LRRTM4: variants seen among roughly 807,000 people sequenced by gnomAD.
LRRTM4 encodes leucine-rich repeat transmembrane neuronal protein 4.
A neutral mutation model predicts 47.6 loss-of-function variants in LRRTM4; 25 were observed. The observed-to-expected ratio is 0.53, with a 90% CI of 0.38 to 0.73. The LOEUF (loss-of-function observed/expected upper bound fraction) is 0.73. Among genes scored for constraint, LRRTM4 ranks in the 30% least tolerant of loss-of-function variants. The pLI, the probability that LRRTM4 is intolerant of heterozygous loss-of-function variation, is 0.00. For missense variants in LRRTM4, 638 were observed against 713.4 expected, an observed-to-expected ratio of 0.89 and a Z score of 1.20; for synonymous variants, 311 against 269.5, an observed-to-expected ratio of 1.15 and a Z score of -1.51.
intron 3 of LRRTM4, among the ~76,000 whole-genome samples, chr2:76,864,247 C>A (rs1265908377): frequency 6.6e-6 from 1 of 152,184 alleles, no homozygotes; most frequent in Non-Finnish European, 1.5e-5. Flanking sequence ...GAGCAATTTC[C>A]TCCCAATATG....
At chr2:77,401,549 G>A (rs1673955888) in intron 3 of LRRTM4, among the ~76,000 whole-genome samples, 1 of 151,540 alleles carries the variant, frequency 6.6e-6, no homozygotes, top group Non-Finnish European at 1.5e-5. Context: ...TGAATTCCTA[G>A]CACATAGAAC....
chr2:76,873,470 GTGTA>G (rs1672687020), intron 3 of LRRTM4, among the ~76,000 whole-genome samples: 3 of 138,778 alleles, frequency 2.2e-5, no homozygotes, highest in African/African-American at 8.7e-5. Flanking sequence ...ACGTGTGTGT[GTGTA>G]TATATATATG....
chr2:77,425,448 G>T (rs1339530035), intron 3 of LRRTM4, among the ~76,000 whole-genome samples: 1 of 152,028 alleles, frequency 6.6e-6, no homozygotes, highest in African/African-American at 2.4e-5. Flanking sequence ...ATTTACCTTG[G>T]TTTCCTGGTT....
chr2:76,831,020 T>A (rs1671335690), intron 3 of LRRTM4, among the ~76,000 whole-genome samples: 1 of 152,136 alleles, frequency 6.6e-6, no homozygotes, highest in Admixed American at 6.6e-5. Context: ...AATTACTTAC[T>A]CTTAAGAATA....
chr2:77,373,394 T>A (rs1672722590), intron 3 of LRRTM4, among the ~76,000 whole-genome samples: 2 of 151,582 alleles, frequency 1.3e-5, no homozygotes, highest in African/African-American at 4.8e-5. Flanking sequence ...TAAATTGCCG[T>A]TTGCCTCCAG....
intron 3 of LRRTM4, among the ~76,000 whole-genome samples, chr2:76,920,203 T>C (rs773648673): frequency 2.6e-5 from 4 of 152,142 alleles, no homozygotes; most frequent in African/African-American, 4.8e-5. Flanking sequence ...AGTTAATTTG[T>C]AGCCATTCCA....
intron 3 of LRRTM4, among the ~76,000 whole-genome samples, chr2:77,223,545 A>G (rs975231021): frequency 6.6e-6 from 1 of 152,210 alleles, no homozygotes; most frequent in East Asian, 1.9e-4. Context: ...AAAAATCACA[A>G]GCATTCTTAT....
At chr2:77,246,579 A>G (rs1252651263) in intron 3 of LRRTM4, among the ~76,000 whole-genome samples, 1 of 152,162 alleles carries the variant, frequency 6.6e-6, no homozygotes, top group Non-Finnish European at 1.5e-5. Context: ...CTGCACAGAT[A>G]CAGAACATTT....
intron 3 of LRRTM4, among the ~76,000 whole-genome samples, chr2:77,084,662 T>C (rs1373563994): frequency 6.6e-6 from 1 of 152,316 alleles, no homozygotes; most frequent in East Asian, 1.9e-4. Context: ...AGATGTGTTA[T>C]ATTTTCAAGT....
chr2:76,865,323 T>C (rs1237515167), intron 3 of LRRTM4, among the ~76,000 whole-genome samples: 2 of 152,144 alleles, frequency 1.3e-5, no homozygotes, highest in African/African-American at 4.8e-5. Context: ...TCAGAAGTCA[T>C]GTTTGGATGC....
rs781733771 is a variant in LRRTM4 at position 77,344,306 on chromosome 2, C to G, written c.1551+174012G>C. ...TGACAAAGACTATAAACAGCCATTA[C>G]AATGATGCTTTAGGAAGAAGGGTAA... On this transcript the variant is annotated intron_variant, in intron 3 of 3. Transcript: ENST00000409884. Among the ~76,000 whole-genome samples, 3 of 151,668 alleles carry G rather than the reference C, an allele frequency of 2.0e-5. No individual in the cohort carries two copies. The Admixed American group carries it at 2.0e-4, about 10-fold the overall frequency.
chr2:77,504,512 T>C (rs912452568), intron 3 of LRRTM4, among the ~76,000 whole-genome samples: 1 of 151,640 alleles, frequency 6.6e-6, no homozygotes, highest in East Asian at 1.9e-4. Flanking sequence ...AAGTAGAACA[T>C]TGATGTAATT....
chr2:76,945,110 T>C (rs566542640), intron 3 of LRRTM4, among the ~76,000 whole-genome samples: 2 of 152,144 alleles, frequency 1.3e-5, no homozygotes, highest in Non-Finnish European at 2.9e-5. Context: ...AAAGTAAAAA[T>C]CAGCATATTA....
intron 3 of LRRTM4, among the ~76,000 whole-genome samples, chr2:77,155,408 T>C (rs1048908740): frequency 6.6e-6 from 1 of 151,910 alleles, no homozygotes; most frequent in African/African-American, 2.4e-5. Context: ...ATGTATTTCC[T>C]AATCCAGTCT....
intron 3 of LRRTM4, among the ~76,000 whole-genome samples, chr2:76,955,824 T>C (rs1675655683): frequency 1.3e-5 from 2 of 151,758 alleles, no homozygotes; most frequent in Admixed American, 1.3e-4. Context: ...AGTACCTTGA[T>C]TTTAGACTTC....
At chr2:77,038,569 T>C (rs1189302618) in intron 3 of LRRTM4, among the ~76,000 whole-genome samples, 3 of 151,526 alleles carry the variant, frequency 2.0e-5, no homozygotes, top group African/African-American at 7.3e-5. Context: ...GTTGAATTTA[T>C]TCTATTAGTT....
At chr2:77,321,555 G>GGT (rs1553428213) in intron 3 of LRRTM4, among the ~76,000 whole-genome samples, 1 of 87,542 alleles carries the variant, frequency 1.1e-5, no homozygotes, top group African/African-American at 6.6e-5. Flanking sequence ...ATCGGGGAGG[G>GGT]GGGGGGGTGT....
At chr2:76,863,013 G>A (rs1672363882) in intron 3 of LRRTM4, among the ~76,000 whole-genome samples, 2 of 152,158 alleles carry the variant, frequency 1.3e-5, no homozygotes, top group Non-Finnish European at 2.9e-5. Flanking sequence ...AAAAGCATAT[G>A]TCACCACACC....
At chr2:77,151,247 G>A (rs1476444871) in intron 3 of LRRTM4, among the ~76,000 whole-genome samples, 2 of 152,046 alleles carry the variant, frequency 1.3e-5, no homozygotes, top group Non-Finnish European at 2.9e-5. Flanking sequence ...TAAGTACTAT[G>A]TTGTACAGTA....
Sources: gnomAD v4.1 joint callset for allele counts (sites outside exome capture counted in the v4.1 genomes callset) on GRCh38, gnomAD v4.1.1 for gene constraint, MANE v1.5 for transcripts, NCBI Gene and HGNC (gene_info 2026-07-23, HGNC 2026-07-21) for gene names.